Variants in FOXP1 observed in about 807,000 individuals in gnomAD.
FOXP1 encodes forkhead box P1.
Under a neutral mutation model 98.2 loss-of-function variants are expected in FOXP1, and 15 were observed. That is an observed-to-expected ratio of 0.15 (90% CI 0.10 to 0.24). The LOEUF is 0.24. FOXP1 is among the 10% of genes least tolerant of loss of function. The pLI is 1.00. For missense variants in FOXP1, 633 were observed against 848.5 expected, an observed-to-expected ratio of 0.75 and a Z score of 3.15; for synonymous variants, 371 against 314.5, an observed-to-expected ratio of 1.18 and a Z score of -1.90.
At chr3:71,014,089 C>G (rs538910681) in intron 12 of FOXP1, among the ~76,000 whole-genome samples, 10 of 152,290 alleles carry the variant, frequency 6.6e-5, no homozygotes, top group African/African-American at 2.2e-4. Context: ...AGGGCATAGG[C>G]ATGGGCAAGG....
chr3:71,516,319 TGAG>T (rs1464365815), intron 2 of FOXP1, among the ~76,000 whole-genome samples: 1 of 151,958 alleles, frequency 6.6e-6, no homozygotes, highest in Non-Finnish European at 1.5e-5. Flanking sequence ...TCTGAGAGTA[TGAG>T]AAGGAGGGAT....
chr3:71,485,254 T>C (rs965078813), intron 3 of FOXP1, among the ~76,000 whole-genome samples: 1 of 152,160 alleles, frequency 6.6e-6, no homozygotes, highest in African/African-American at 2.4e-5. Context: ...ATCTCCCCAA[T>C]ATCCCTTTTA....
chr3:71,142,142 CA>C (rs5849992), intron 6 of FOXP1, among the ~76,000 whole-genome samples: 141,764 of 150,678 alleles, frequency 0.94, 67,249 homozygotes, highest in South Asian at 1. Flanking sequence ...TGTTGACAAA[CA>C]AAAAAAAAAA....
chr3:71,161,914 C>G (rs1253943858), intron 6 of FOXP1, among the ~76,000 whole-genome samples: 1 of 152,182 alleles, frequency 6.6e-6, no homozygotes, highest in Non-Finnish European at 1.5e-5. Flanking sequence ...ACTGAAGGCA[C>G]TGGAGAGAAA....
chr3:71,194,418 G>A (rs1327789239), intron 6 of FOXP1, among the ~76,000 whole-genome samples: 1 of 152,108 alleles, frequency 6.6e-6, no homozygotes, highest in Non-Finnish European at 1.5e-5. Context: ...AGCATATGCT[G>A]TATATGGAGA....
chr3:71,166,697 G>C (rs1223075798), intron 6 of FOXP1, among the ~76,000 whole-genome samples: 1 of 152,060 alleles, frequency 6.6e-6, no homozygotes, highest in African/African-American at 2.4e-5. Context: ...ACACCTCCAA[G>C]ATGACTGCTG....
Position 71,052,558 on chromosome 3 carries a change from A to G in FOXP1, c.489T>C (p.His163=). 7.3e-7 allele frequency: 1 copy of G among 1,372,290 alleles called. No individual in the cohort carries two copies. The highest frequency in any genetic ancestry group is 1.0e-6 in the Non-Finnish European group (1 of 959,004). The allele number at this position is 1,372,290 out of a possible 1,614,324, so 85.0% of individuals were successfully genotyped here. Residue 163 remains histidine (H), a synonymous_variant, in exon 9 of 21, where the codon CAT becomes CAC. Transcript: ENST00000649528. Reference sequence around the variant, plus strand: ...GTACCTCTTTAGGCTGTTTTCCAGCATGTTGTTGTTGTAAAAGTTGAAGCT... The same window carrying G: ...GTACCTCTTTAGGCTGTTTTCCAGCGTGTTGTTGTTGTAAAAGTTGAAGCT... ...QLQLQLLQQQ[H]AGKQPKEQQQ... is the part of the protein sequence containing the mutation.
chr3:71,520,761 G>C (rs1408788821), intron 2 of FOXP1, among the ~76,000 whole-genome samples: 1 of 152,186 alleles, frequency 6.6e-6, no homozygotes, highest in Non-Finnish European at 1.5e-5. Flanking sequence ...GGTTGGCATT[G>C]ACAAGTCAAT....
At chr3:71,455,965 A>G (rs1014940090) in intron 3 of FOXP1, among the ~76,000 whole-genome samples, 1 of 152,218 alleles carries the variant, frequency 6.6e-6, no homozygotes, top group Admixed American at 6.5e-5. Flanking sequence ...AAACACGACT[A>G]TAATTTGACT....
At chr3:71,374,215 T>G (rs2079547301) in intron 3 of FOXP1, among the ~76,000 whole-genome samples, 1 of 152,232 alleles carries the variant, frequency 6.6e-6, no homozygotes, top group South Asian at 2.1e-4. Flanking sequence ...TAACTTCCAC[T>G]GAAACACAGA....
At chr3:71,119,320 G>A (rs2058592776) in intron 6 of FOXP1, among the ~76,000 whole-genome samples, 1 of 152,114 alleles carries the variant, frequency 6.6e-6, no homozygotes, top group African/African-American at 2.4e-5. Flanking sequence ...GTCGAGAGTT[G>A]GTTATTTCCT....
At chr3:70,966,191 T>C in intron 19 of FOXP1, 135 bp from the exon 20 acceptor site, 1 of 874,808 alleles carries the variant, frequency 1.1e-6, no homozygotes. Context: ...TTCTAAGAGG[T>C]GTTGAAAGAT....
chr3:71,140,671 T>C (rs548281290), intron 6 of FOXP1, among the ~76,000 whole-genome samples: 3 of 152,188 alleles, frequency 2.0e-5, no homozygotes, highest in South Asian at 4.1e-4. Flanking sequence ...AAGCTCAGAG[T>C]GGTTGACTAT....
chr3:71,034,984 T>A (rs1034896713), intron 11 of FOXP1, among the ~76,000 whole-genome samples: 4 of 152,160 alleles, frequency 2.6e-5, no homozygotes, highest in Admixed American at 2.0e-4. Context: ...GTGAATCAAG[T>A]GTCTGGAGAA....
At chr3:71,081,546 C>T (rs987111287) in intron 7 of FOXP1, among the ~76,000 whole-genome samples, 1 of 152,016 alleles carries the variant, frequency 6.6e-6, no homozygotes, top group Non-Finnish European at 1.5e-5. Context: ...TTGCTTCACG[C>T]CACCAGACAA....
At chr3:71,226,797 G>A (rs1392185997) in intron 5 of FOXP1, among the ~76,000 whole-genome samples, 1 of 151,890 alleles carries the variant, frequency 6.6e-6, no homozygotes, top group Admixed American at 6.6e-5. Context: ...CTCCCCGCAC[G>A]CACTACCTTG....
intron 7 of FOXP1, among the ~76,000 whole-genome samples, chr3:71,065,354 G>A (rs533515371): frequency 3.3e-5 from 5 of 152,302 alleles, no homozygotes; most frequent in East Asian, 1.9e-4. Context: ...AGGCCGAAGA[G>A]GGGCACCCGG....
intron 6 of FOXP1, among the ~76,000 whole-genome samples, chr3:71,119,324 AT>A (rs2058592978): frequency 6.6e-6 from 1 of 152,142 alleles, no homozygotes; most frequent in Non-Finnish European, 1.5e-5. Flanking sequence ...AGAGTTGGTT[AT>A]TTCCTGTCTG....
At chr3:71,261,133 C>T (rs1444807494) in intron 5 of FOXP1, among the ~76,000 whole-genome samples, 2 of 152,140 alleles carry the variant, frequency 1.3e-5, no homozygotes, top group African/African-American at 4.8e-5. Flanking sequence ...TAGGGTATTA[C>T]ACAACCTATC....
Sources: gnomAD v4.1 joint callset for allele counts (sites outside exome capture counted in the v4.1 genomes callset) on GRCh38, gnomAD v4.1.1 for gene constraint, MANE v1.5 for transcripts, NCBI Gene and HGNC (gene_info 2026-07-23, HGNC 2026-07-21) for gene names.